SEC24B: variants seen among roughly 807,000 people sequenced by gnomAD.
SEC24B encodes protein transport protein Sec24B.
Under a neutral mutation model 142.8 loss-of-function variants are expected in SEC24B, and 45 were observed. The ratio of observed to expected loss-of-function variants is 0.32; its 90% confidence interval spans 0.25 to 0.40. The LOEUF (loss-of-function observed/expected upper bound fraction) is 0.40. Among genes scored for constraint, SEC24B ranks in the 10% least tolerant of loss-of-function variants. The pLI is 1.00. For missense variants in SEC24B, 1,409 were observed against 1,526.8 expected (o/e 0.92, Z 1.29); for synonymous variants, 574 against 568.2 (o/e 1.01, Z -0.15).
intron 4 of SEC24B, among the ~76,000 whole-genome samples, chr4:109,485,502 A>T (rs896356638): frequency 6.6e-6 from 1 of 152,210 alleles, no homozygotes; most frequent in East Asian, 1.9e-4. Flanking sequence ...CGTACATGTT[A>T]TCTTACTCCT....
At chr4:109,531,753 A>G (rs1724952968) in intron 20 of SEC24B, among the ~76,000 whole-genome samples, 1 of 152,222 alleles carries the variant, frequency 6.6e-6, no homozygotes, top group Non-Finnish European at 1.5e-5. Flanking sequence ...TATCAGAAGT[A>G]ATTTGTCTTG....
chr4:109,525,396 C>G lies in SEC24B; in HGVS notation c.2683C>G (p.His895Asp), dbSNP rs750477022. The part of the protein sequence containing the change: ...AGCIYYYPSF[H>D]YTHNPSQAEK... ...GTGCATCTATTATTATCCATCATTC[C>G]ACTATACTCACAATCCTTCACAAGC... Residue 895 changes from histidine (H) to aspartate (D), a missense_variant, in exon 16 of 24, where the codon CAC becomes GAC. This residue lies in a region of SEC24B where 700 missense variants were observed against 853.3 expected (regional missense o/e 0.82). Coordinates refer to ENST00000265175, the MANE Select transcript of SEC24B (RefSeq NM_006323.5). The G allele has an allele frequency of 1.2e-6, 2 of 1,611,028 alleles. No homozygotes were observed. The highest frequency in any genetic ancestry group is 4.5e-5 in the East Asian group (2 of 44,668).
intron 22 of SEC24B, among the ~76,000 whole-genome samples, chr4:109,535,700 C>A (rs1216380360): frequency 3.3e-5 from 5 of 151,290 alleles, no homozygotes; most frequent in Non-Finnish European, 7.4e-5. Flanking sequence ...TACAAAAAAA[C>A]AATTAGCTGG....
chr4:109,442,934 T>G (rs1349522401), intron 1 of SEC24B, among the ~76,000 whole-genome samples: 1 of 152,242 alleles, frequency 6.6e-6, no homozygotes, highest in African/African-American at 2.4e-5. Flanking sequence ...TTTTTTTCCC[T>G]ATAAAATGGC....
intron 6 of SEC24B, among the ~76,000 whole-genome samples, chr4:109,499,404 A>G (rs1404434189): frequency 6.6e-6 from 1 of 152,152 alleles, no homozygotes; most frequent in Admixed American, 6.5e-5. Context: ...GATCCCAGTT[A>G]AGACAGGAGA....
At chr4:109,529,427 G>C (rs1724646806) in intron 18 of SEC24B, among the ~76,000 whole-genome samples, 1 of 151,622 alleles carries the variant, frequency 6.6e-6, no homozygotes, top group African/African-American at 2.4e-5. Context: ...TAGTGCTTGG[G>C]CATATATATT....
chr4:109,443,245 A>G (rs535136168), intron 1 of SEC24B, among the ~76,000 whole-genome samples: 2 of 152,274 alleles, frequency 1.3e-5, no homozygotes, highest in East Asian at 1.9e-4. Context: ...CTTCCTGCAT[A>G]TTATTCTTGT....
Position 109,513,140 on chromosome 4 carries a change from A to G in SEC24B, c.1904-607A>G, listed in dbSNP as rs1452217801. On this transcript the variant is annotated intron_variant, in intron 9 of 23. Transcript: ENST00000265175. Reference sequence around the variant, plus strand: ...CAGGTGTCTGCCACCATGTCTGGCTAATTTTTGTATTTTTAGTAGAGATGG... The same window carrying G: ...CAGGTGTCTGCCACCATGTCTGGCTGATTTTTGTATTTTTAGTAGAGATGG... 2.7e-5 allele frequency among the ~76,000 whole-genome samples: 4 copies of G among 150,330 alleles called. No homozygotes were observed. In the East Asian group the frequency reaches 7.9e-4, roughly 30 times the overall value.
intron 15 of SEC24B, 139 bp downstream of exon 15, chr4:109,525,080 C>T: frequency 1.2e-6 from 1 of 803,960 alleles, no homozygotes; most frequent in Non-Finnish European, 1.9e-6. Flanking sequence ...ATGAAAACTA[C>T]CAGTAAAGTT....
intron 2 of SEC24B, 28 bp downstream of exon 2, chr4:109,463,672 C>T (rs775414028): frequency 1.3e-6 from 2 of 1,593,416 alleles, no homozygotes; most frequent in Non-Finnish European, 1.7e-6. Context: ...TTCACCAAAA[C>T]ATGTTTGAAA....
chr4:109,457,678 T>C (rs192401019), intron 1 of SEC24B, among the ~76,000 whole-genome samples: 15 of 152,156 alleles, frequency 9.9e-5, no homozygotes, highest in African/African-American at 3.6e-4. Flanking sequence ...TGTAGGCTCA[T>C]AGGGGAGTAA....
At chr4:109,471,153 A>G (rs1247705408) in intron 2 of SEC24B, among the ~76,000 whole-genome samples, 1 of 152,098 alleles carries the variant, frequency 6.6e-6, no homozygotes, top group Non-Finnish European at 1.5e-5. Context: ...ATTTCATTTT[A>G]TGGTTTTGAG....
chr4:109,487,933 T>C (rs865823786), intron 4 of SEC24B, among the ~76,000 whole-genome samples: 2 of 152,204 alleles, frequency 1.3e-5, no homozygotes, highest in Non-Finnish European at 2.9e-5. Flanking sequence ...ACAGTTGATT[T>C]GACATGAAAG....
At chr4:109,500,840 G>T (rs1001149277) in intron 6 of SEC24B, among the ~76,000 whole-genome samples, 1 of 152,046 alleles carries the variant, frequency 6.6e-6, no homozygotes, top group African/African-American at 2.4e-5. Flanking sequence ...TGTATTTTTA[G>T]TAGAGATGGG....
At chr4:109,529,571 C>T (rs1724664543) in intron 18 of SEC24B, among the ~76,000 whole-genome samples, 1 of 151,884 alleles carries the variant, frequency 6.6e-6, no homozygotes, top group African/African-American at 2.4e-5. Context: ...GAATGCTTTA[C>T]AAAAATTGTA....
intron 4 of SEC24B, among the ~76,000 whole-genome samples, chr4:109,483,641 A>G (rs962328021): frequency 2.0e-5 from 3 of 152,176 alleles, no homozygotes; most frequent in African/African-American, 4.8e-5. Flanking sequence ...TGTTCTGCAA[A>G]CAATCATTTT....
chr4:109,467,149 AC>A (rs1284818992), intron 2 of SEC24B, among the ~76,000 whole-genome samples: 1 of 151,208 alleles, frequency 6.6e-6, no homozygotes, highest in Non-Finnish European at 1.5e-5. Flanking sequence ...ACACGGTGAA[AC>A]CCCGTCTCTA....
intron 1 of SEC24B, among the ~76,000 whole-genome samples, chr4:109,458,107 T>C (rs1730888597): frequency 6.6e-6 from 1 of 152,106 alleles, no homozygotes; most frequent in East Asian, 1.9e-4. Flanking sequence ...TTTTTTTTTC[T>C]CTATGTTTCT....
chr4:109,527,214 G>A lies in SEC24B; in HGVS notation c.2966-108G>A, dbSNP rs762243333. 4.8e-5 allele frequency: 35 copies of A among 729,484 alleles called. 1 individual carries two copies. The highest frequency in any genetic ancestry group is 5.4e-5 in the East Asian group (2 of 36,882). The allele number at this position is 729,484 out of a possible 1,614,324, so 45.2% of individuals were successfully genotyped here. On this transcript the variant is annotated intron_variant, in intron 17 of 23. Transcript: ENST00000265175. ...AGCCTAAGAGACAGAGCAAGACTCC[G>A]TCTCAAAAAAAAAAAAAAGAAAGAA...
Sources: gnomAD v4.1 joint callset for allele counts (sites outside exome capture counted in the v4.1 genomes callset) on GRCh38, gnomAD v4.1.1 for gene constraint, gnomAD v4.1.1 regional missense constraint, MANE v1.5 for transcripts, NCBI Gene and HGNC (gene_info 2026-07-23, HGNC 2026-07-21) for gene names.